CEP112: variants seen among roughly 807,000 people sequenced by gnomAD.
CEP112 encodes centrosomal protein 112, also known as centrosomal protein of 112 kDa.
Under a neutral mutation model 153.0 loss-of-function variants are expected in CEP112, and 127 were observed. The observed-to-expected ratio is 0.83, with a 90% CI of 0.72 to 0.96. The LOEUF is 0.96. Among genes scored for constraint, CEP112 ranks in the 40% least tolerant of loss-of-function variants. The pLI is 0.00. For synonymous variants in CEP112, 358 were observed against 374.4 expected (o/e 0.96, Z 0.51); for missense variants, 1,089 against 1,101.2 (o/e 0.99, Z 0.16).
At chr17:65,721,564 G>A (rs1657182941) in intron 23 of CEP112, among the ~76,000 whole-genome samples, 1 of 152,098 alleles carries the variant, frequency 6.6e-6, no homozygotes, top group South Asian at 2.1e-4. Context: ...TGATCATCTA[G>A]CATCATAGAA....
At chr17:65,941,706 GA>G (rs1287343996) in intron 18 of CEP112, 1 of 152,024 alleles carries the variant, frequency 6.6e-6, no homozygotes, top group Admixed American at 6.6e-5. Context: ...AAAAGGTACA[GA>G]AAAGGGCTTG....
intron 20 of CEP112, among the ~76,000 whole-genome samples, chr17:65,892,068 G>A (rs1410573696): frequency 6.6e-6 from 1 of 152,144 alleles, no homozygotes; most frequent in Non-Finnish European, 1.5e-5. Context: ...CTTTAGAGCA[G>A]AGTACTGGTC....
At chr17:66,047,561 G>A (rs565914462) in intron 12 of CEP112, among the ~76,000 whole-genome samples, 1 of 151,952 alleles carries the variant, frequency 6.6e-6, no homozygotes, top group Non-Finnish European at 1.5e-5. Context: ...TCAATAGTGA[G>A]CTTGTATATC....
intron 19 of CEP112, among the ~76,000 whole-genome samples, chr17:65,902,695 T>C (rs567620334): frequency 2.6e-5 from 4 of 152,232 alleles, no homozygotes; most frequent in Admixed American, 1.3e-4. Flanking sequence ...AATATACACA[T>C]GTAAAAAGCA....
At chr17:66,083,161 G>A (rs1239584686) in intron 8 of CEP112, among the ~76,000 whole-genome samples, 2 of 152,186 alleles carry the variant, frequency 1.3e-5, no homozygotes, top group Non-Finnish European at 2.9e-5. Context: ...CCAGTGAGAG[G>A]TAATTGAATC....
rs1313915409 is a variant in CEP112, at chr17:65,988,434, C to A, written c.1736+17256G>T. 3.9e-5 allele frequency among the ~76,000 whole-genome samples: 6 copies of A among 152,212 alleles called. 1 individual carries two copies. The Middle Eastern group carries it at 0.014, about 345-fold the overall frequency. ...CTCCTCAAAGAGACAGAGCAAGGAA[C>A]CAGCAACTGACTAGTATGAAATGAT... On this transcript the variant is annotated intron_variant, in intron 17 of 26. Transcript: ENST00000535342.
chr17:65,982,261 T>C (rs73338667), intron 17 of CEP112, among the ~76,000 whole-genome samples: 9,846 of 152,184 alleles, frequency 0.065, 458 homozygotes, highest in South Asian at 0.12. Flanking sequence ...TGGATGGATA[T>C]GGAAGGTAAA....
At chr17:65,761,458 C>A (rs965682097) in intron 21 of CEP112, among the ~76,000 whole-genome samples, 1 of 151,870 alleles carries the variant, frequency 6.6e-6, no homozygotes, top group Non-Finnish European at 1.5e-5. Flanking sequence ...ATTTAATTTG[C>A]TCTTCTTTTT....
At chr17:65,819,834 A>G (rs2056442121) in intron 21 of CEP112, among the ~76,000 whole-genome samples, 1 of 152,052 alleles carries the variant, frequency 6.6e-6, no homozygotes, top group Non-Finnish European at 1.5e-5. Context: ...AGATTGAAGG[A>G]GAATAAAGAG....
rs777844271 is a variant in CEP112, at chr17:65,916,289, G to GTGTGTGTGTA, written c.1980+11292_1980+11293insTACACACACA. ...TGTGTGTGTGTGTGTGTGTGTGTGT[G>GTGTGTGTGTA]TGTATGTGTGGTAGGAGTAGTGGTG... On this transcript the variant is annotated intron_variant, in intron 19 of 26. Coordinates refer to ENST00000535342, the MANE Select transcript of CEP112 (RefSeq NM_001199165.4). Among the ~76,000 whole-genome samples the GTGTGTGTGTA allele has an allele frequency of 9.8e-3, 1,445 of 147,066 alleles. 3 individuals carry two copies. Among genetic ancestry groups the GTGTGTGTGTA allele is most frequent in the Non-Finnish European group, 0.015 (985 of 66,270 alleles).
At chr17:66,161,031 T>C (rs1323729504) in intron 4 of CEP112, among the ~76,000 whole-genome samples, 2 of 150,946 alleles carry the variant, frequency 1.3e-5, no homozygotes, top group African/African-American at 4.9e-5. Flanking sequence ...AGGATATGAA[T>C]AGACACTTCT....
chr17:66,154,293 T>C (rs1173527573), intron 4 of CEP112, among the ~76,000 whole-genome samples: 1 of 152,062 alleles, frequency 6.6e-6, no homozygotes, highest in East Asian at 1.9e-4. Context: ...GATGGGCAGA[T>C]CACTTGAGGT....
intron 8 of CEP112, among the ~76,000 whole-genome samples, chr17:66,075,143 A>G (rs1236882540): frequency 6.6e-6 from 1 of 152,208 alleles, no homozygotes. Flanking sequence ...AGAGATACAT[A>G]AAAGCCATTT....
chr17:66,079,823 G>A (rs561596932), intron 8 of CEP112, among the ~76,000 whole-genome samples: 7 of 152,072 alleles, frequency 4.6e-5, no homozygotes, highest in East Asian at 1.9e-4. Flanking sequence ...ATAGATCAAC[G>A]GAACAGAACA....
chr17:65,902,334 T>C lies in CEP112; in HGVS notation c.1981A>G (p.Ile661Val), dbSNP rs773362493. 3.1e-6 allele frequency: 5 copies of C among 1,611,832 alleles called. No homozygotes were observed. The highest frequency in any genetic ancestry group is 2.7e-5 in the African/African-American group (2 of 74,810). Residue 661 changes from isoleucine (I) to valine (V), a missense_variant and splice_region_variant, in exon 20 of 27, where the codon ATA (isoleucine) becomes GTA (valine). Ile to Val is a conservative substitution (Grantham distance 29, BLOSUM62 3). Coordinates refer to ENST00000535342, the MANE Select transcript of CEP112 (RefSeq NM_001199165.4). ...TCATGCTCCAGCTTCAGCTCTACTA[T>C]CTGATTGGACAATGAGGAGGACAGT... is the stretch of plus-strand genomic sequence containing the variant. ...EDIRQRYEQQ[I>V]VELKLEHEQE... is the part of the protein sequence containing the mutation.
At chr17:66,109,582 T>C (rs1339005305) in intron 6 of CEP112, among the ~76,000 whole-genome samples, 3 of 152,046 alleles carry the variant, frequency 2.0e-5, no homozygotes, top group Non-Finnish European at 4.4e-5. Flanking sequence ...GACAAAATGA[T>C]ACCCTAGACC....
chr17:66,132,038 G>A (rs898879242), intron 5 of CEP112, among the ~76,000 whole-genome samples: 16 of 149,042 alleles, frequency 1.1e-4, no homozygotes, highest in African/African-American at 4.0e-4. Context: ...GCATGGTGGT[G>A]CATGCCTGTA....
At chr17:65,878,848 T>C (rs1249543519) in intron 20 of CEP112, among the ~76,000 whole-genome samples, 1 of 144,824 alleles carries the variant, frequency 6.9e-6, no homozygotes, top group Non-Finnish European at 1.5e-5. Context: ...AAAAAAAAAA[T>C]GGAATGAACA....
intron 12 of CEP112, among the ~76,000 whole-genome samples, chr17:66,044,132 C>A (rs960137391): frequency 4.6e-5 from 7 of 152,012 alleles, no homozygotes; most frequent in Admixed American, 4.6e-4. Flanking sequence ...CTGACAGGTA[C>A]CTCTTGGCTC....
Sources: allele counts gnomAD v4.1 joint callset (sites outside exome capture counted in the v4.1 genomes callset), GRCh38; gene constraint gnomAD v4.1.1; transcripts MANE v1.5; gene names NCBI Gene and HGNC (gene_info 2026-07-23, HGNC 2026-07-21).